The following TMEM131 variants were observed in gnomAD, a reference collection of about 807,000 sequenced individuals.
TMEM131 encodes 2610524E03Rik.
A neutral mutation model predicts 211.6 loss-of-function variants in TMEM131; 66 were observed. The observed-to-expected ratio is 0.31, with a 90% CI of 0.26 to 0.38. The LOEUF (loss-of-function observed/expected upper bound fraction) is 0.38. Among genes scored for constraint, TMEM131 ranks in the 10% least tolerant of loss-of-function variants. The probability of loss-of-function intolerance (pLI) is 1.00; values close to 1 mark genes in which losing one functional copy is unlikely to be tolerated. For missense variants in TMEM131, 2,036 were observed against 2,299.3 expected (o/e 0.89, Z 2.34); for synonymous variants, 844 against 841.3 (o/e 1.00, Z -0.06).
intron 4 of TMEM131, among the ~76,000 whole-genome samples, chr2:97,874,011 G>C (rs1466367485): frequency 1.3e-5 from 2 of 152,236 alleles, no homozygotes; most frequent in African/African-American, 4.8e-5. Flanking sequence ...AGAATAACCA[G>C]TGTAGAGAAG....
chr2:97,834,187 G>A (rs1272776096), intron 10 of TMEM131, among the ~76,000 whole-genome samples: 1 of 152,026 alleles, frequency 6.6e-6, no homozygotes, highest in Non-Finnish European at 1.5e-5. Flanking sequence ...TCTTTACTTA[G>A]TTGTTTTTAA....
At chr2:97,968,617 T>C (rs1203253511) in intron 1 of TMEM131, among the ~76,000 whole-genome samples, 1 of 152,134 alleles carries the variant, frequency 6.6e-6, no homozygotes, top group African/African-American at 2.4e-5. Flanking sequence ...AGTGCTGACA[T>C]GTTTGTAGGG....
Position 97,759,038 on chromosome 2 carries a change from A to G in TMEM131, c.5222T>C (p.Leu1741Pro). The change falls in exon 40 of 41, where the codon CTC becomes CCC. Residue 1741 changes from leucine (L) to proline (P), a missense_variant. This residue lies in a region of TMEM131 where 1,623 missense variants were observed against 1,805.9 expected (regional missense o/e 0.90). Transcript: ENST00000186436. ...FNLTGEVFSK[L>P]GLSRSCNQAS... ...CTGATTGCACGATCGAGATAATCCGAGTTTGCTGAAAACTTCTGGAAATAA... is the reference window on the plus strand; with the variant it reads ...CTGATTGCACGATCGAGATAATCCGGGTTTGCTGAAAACTTCTGGAAATAA... 1 of 1,614,010 alleles carries G rather than the reference A, an allele frequency of 6.2e-7. No individual in the cohort carries two copies. The highest frequency in any genetic ancestry group is 8.5e-7 in the Non-Finnish European group (1 of 1,179,890).
intron 31 of TMEM131, among the ~76,000 whole-genome samples, chr2:97,781,068 T>C (rs1679973768): frequency 6.6e-6 from 1 of 152,196 alleles, no homozygotes; most frequent in Admixed American, 6.5e-5. Context: ...CATGCAATCA[T>C]TCGGGTCTGT....
At chr2:97,830,514 C>G (rs1682626777) in intron 11 of TMEM131, among the ~76,000 whole-genome samples, 1 of 152,144 alleles carries the variant, frequency 6.6e-6, no homozygotes, top group Non-Finnish European at 1.5e-5. Flanking sequence ...TATAAAAGCA[C>G]TTGAGCAAAT....
At chr2:97,783,953 T>C (rs1680133672) in intron 31 of TMEM131, among the ~76,000 whole-genome samples, 2 of 151,704 alleles carry the variant, frequency 1.3e-5, no homozygotes, top group South Asian at 4.2e-4. Context: ...CAGGTGGCTA[T>C]ATTAATACTA....
At chr2:97,852,949 A>G (rs1673687692) in intron 5 of TMEM131, among the ~76,000 whole-genome samples, 1 of 152,246 alleles carries the variant, frequency 6.6e-6, no homozygotes, top group African/African-American at 2.4e-5. Context: ...CAAGGCCTAG[A>G]TAACAGCACA....
chr2:97,899,756 T>C (rs1388791504), intron 3 of TMEM131, among the ~76,000 whole-genome samples: 2 of 152,238 alleles, frequency 1.3e-5, no homozygotes, highest in East Asian at 1.9e-4. Context: ...TTTATATCTA[T>C]CCCTTTCCCT....
At position 97,815,314 on chromosome 2, in the gene TMEM131, G is replaced by C. The variant is rs1681768029; in HGVS notation, c.1184-7C>G. On this transcript the variant is annotated splice_polypyrimidine_tract_variant and splice_region_variant and intron_variant, in intron 12 of 40. Coordinates refer to ENST00000186436, the MANE Select transcript of TMEM131 (RefSeq NM_015348.2). ...GGCTTTTTTGCCTTCGATGCTGAAA[G>C]GAAGCATAAAAAATAATCTCTGTTA... 9 of 1,523,288 alleles carry C rather than the reference G, an allele frequency of 5.9e-6. No homozygotes were observed. The highest frequency in any genetic ancestry group is 7.9e-6 in the Non-Finnish European group (9 of 1,136,874). 94.4% of individuals were successfully genotyped at this position (1,523,288 alleles called of 1,614,324 possible).
chr2:97,970,442 T>C (rs1679247999), intron 1 of TMEM131, among the ~76,000 whole-genome samples: 1 of 152,190 alleles, frequency 6.6e-6, no homozygotes, highest in South Asian at 2.1e-4. Context: ...AAAACTAACA[T>C]TTCAAGACCT....
chr2:97,759,915 G>A, intron 38 of TMEM131, 166 bp from the exon 39 acceptor site: 1 of 607,216 alleles, frequency 1.6e-6, no homozygotes, highest in Non-Finnish European at 3.0e-6. Context: ...CTTACCACAA[G>A]GGTTGAGTCG....
At chr2:97,992,787 T>A (rs900363834) in intron 1 of TMEM131, among the ~76,000 whole-genome samples, 4 of 152,244 alleles carry the variant, frequency 2.6e-5, no homozygotes, top group African/African-American at 9.6e-5. Flanking sequence ...ACATTTTTGC[T>A]ATTCTCAGTA....
At chr2:97,792,142 AAGC>A (rs1680524512) in intron 31 of TMEM131, among the ~76,000 whole-genome samples, 1 of 152,250 alleles carries the variant, frequency 6.6e-6, no homozygotes, top group African/African-American at 2.4e-5. Context: ...CTGAAAAGAA[AAGC>A]AGATGTCCAC....
At chr2:97,900,922 A>T (rs889163221) in intron 3 of TMEM131, among the ~76,000 whole-genome samples, 2 of 152,116 alleles carry the variant, frequency 1.3e-5, no homozygotes, top group African/African-American at 4.8e-5. Context: ...AACAGGTGTG[A>T]GATGATAATG....
intron 1 of TMEM131, among the ~76,000 whole-genome samples, chr2:97,991,950 G>T (rs777631790): frequency 1.3e-5 from 2 of 152,170 alleles, no homozygotes; most frequent in African/African-American, 2.4e-5. Flanking sequence ...GAGGAAAATG[G>T]TCATTAGCAA....
At chr2:97,870,492 G>C (rs773144448) in intron 4 of TMEM131, among the ~76,000 whole-genome samples, 17 of 152,100 alleles carry the variant, frequency 1.1e-4, no homozygotes, top group Non-Finnish European at 1.6e-4. Flanking sequence ...AGCTGAAGCA[G>C]GCATACAGCT....
At chr2:97,808,347 C>T (rs1681404966) in intron 19 of TMEM131, among the ~76,000 whole-genome samples, 1 of 152,202 alleles carries the variant, frequency 6.6e-6, no homozygotes, top group African/African-American at 2.4e-5. Flanking sequence ...TAACCCACTA[C>T]TGTCTCCTAC....
chr2:97,944,417 G>C (rs1005155750), intron 1 of TMEM131, among the ~76,000 whole-genome samples: 3 of 152,116 alleles, frequency 2.0e-5, no homozygotes, highest in Non-Finnish European at 4.4e-5. Context: ...CTCTGATGAG[G>C]CAATGGTTTC....
intron 1 of TMEM131, among the ~76,000 whole-genome samples, chr2:97,950,323 C>G (rs1289219088): frequency 6.6e-6 from 1 of 152,180 alleles, no homozygotes; most frequent in Non-Finnish European, 1.5e-5. Flanking sequence ...TAAAAAGCTA[C>G]GTACCTAAGA....
Sources: gnomAD v4.1 joint callset for allele counts (sites outside exome capture counted in the v4.1 genomes callset) on GRCh38, gnomAD v4.1.1 for gene constraint, gnomAD v4.1.1 regional missense constraint, MANE v1.5 for transcripts, NCBI Gene and HGNC (gene_info 2026-07-23, HGNC 2026-07-21) for gene names.